CDH18: variants seen among roughly 807,000 people sequenced by gnomAD.
The protein encoded by CDH18 is cadherin-18.
CDH18 carries 31 observed loss-of-function variants against 67.9 expected under a neutral mutation model. The observed-to-expected ratio is 0.46, with a 90% CI of 0.34 to 0.62. The LOEUF is 0.62. Among genes scored for constraint, CDH18 ranks in the 20% least tolerant of loss-of-function variants. CDH18 has a pLI of 0.01. For missense variants in CDH18, 890 were observed against 975.5 expected, an observed-to-expected ratio of 0.91 and a Z score of 1.17; for synonymous variants, 362 against 347.2, an observed-to-expected ratio of 1.04 and a Z score of -0.48.
intron 2 of CDH18, among the ~76,000 whole-genome samples, chr5:19,915,630 C>A (rs1463848298): frequency 6.6e-6 from 1 of 151,876 alleles, no homozygotes; most frequent in Non-Finnish European, 1.5e-5. Context: ...GAGAAAATCA[C>A]AAGGAAGAGA....
chr5:20,025,229 G>A (rs778727947), intron 2 of CDH18, among the ~76,000 whole-genome samples: 6 of 152,056 alleles, frequency 3.9e-5, no homozygotes, highest in Non-Finnish European at 7.4e-5. Flanking sequence ...ACAGATCTTA[G>A]TACACTGTAA....
At chr5:20,017,066 G>A (rs930182321) in intron 2 of CDH18, among the ~76,000 whole-genome samples, 5 of 152,038 alleles carry the variant, frequency 3.3e-5, no homozygotes, top group African/African-American at 1.2e-4. Context: ...ATTTCTTGGA[G>A]TAAGAAATTG....
chr5:19,986,574 G>T (rs1799585469), intron 1 of CDH18, among the ~76,000 whole-genome samples: 1 of 152,158 alleles, frequency 6.6e-6, no homozygotes, highest in Admixed American at 6.5e-5. Flanking sequence ...TCACCAAGGT[G>T]CACTAAGTGA....
chr5:19,762,555 C>T (rs1467304728), intron 3 of CDH18, among the ~76,000 whole-genome samples: 2 of 151,906 alleles, frequency 1.3e-5, no homozygotes, highest in Non-Finnish European at 2.9e-5. Context: ...TTTGATACCA[C>T]TCACACCAGT....
At chr5:20,305,639 G>T in intron 1 of CDH18, 1 of 453,680 alleles carries the variant, frequency 2.2e-6, no homozygotes, top group Non-Finnish European at 4.0e-6. Context: ...CAAACGCCAT[G>T]TCCGGGGGGT....
chr5:19,699,749 A>C (rs1047480100), intron 5 of CDH18, among the ~76,000 whole-genome samples: 1 of 152,002 alleles, frequency 6.6e-6, no homozygotes, highest in Non-Finnish European at 1.5e-5. Flanking sequence ...ATTCCTCATC[A>C]CAATAGTGCA....
At chr5:19,869,162 G>A (rs574844708) in intron 2 of CDH18, among the ~76,000 whole-genome samples, 3 of 152,240 alleles carry the variant, frequency 2.0e-5, no homozygotes, top group South Asian at 2.1e-4. Flanking sequence ...TATGCAGGAC[G>A]TCAATTAATT....
At chr5:19,912,814 G>C (rs1231980110) in intron 2 of CDH18, among the ~76,000 whole-genome samples, 1 of 152,220 alleles carries the variant, frequency 6.6e-6, no homozygotes, top group Non-Finnish European at 1.5e-5. Context: ...CAATAGGAGA[G>C]AGCAGGGCTT....
chr5:20,553,206 C>T (rs895346147), intron 1 of CDH18, among the ~76,000 whole-genome samples: 8 of 152,102 alleles, frequency 5.3e-5, no homozygotes, highest in Non-Finnish European at 7.4e-5. Context: ...CCAATTCATA[C>T]GGTGATTTGA....
In CDH18 at chr5:19,520,664, G is replaced by A. The variant is rs1746749390; in HGVS notation, c.1505C>T (p.Pro502Leu). The A allele has an allele frequency of 2.5e-6, 4 of 1,610,212 alleles. No individual in the cohort carries two copies. The highest frequency in any genetic ancestry group is 3.4e-6 in the Non-Finnish European group (4 of 1,178,590). Residue 502 changes from proline (P) to leucine (L), a missense_variant, in exon 10 of 13, where the codon CCT (proline) becomes CTT (leucine). By Grantham distance (98) the Pro-to-Leu change is moderately conservative. Transcript: ENST00000382275. ...YDIIVCENSK[P>L]GQVIHTISAT... ...AGGAAACAATTAACTTACCTGGCCA[G>A]GCTTAGAATTTTCACATACAATAAT...
chr5:19,871,303 G>A (rs1395775062), intron 2 of CDH18, among the ~76,000 whole-genome samples: 1 of 152,154 alleles, frequency 6.6e-6, no homozygotes. Flanking sequence ...AAAAAGCTGA[G>A]CATGTTTCTA....
intron 2 of CDH18, among the ~76,000 whole-genome samples, chr5:19,899,831 A>T (rs1325323855): frequency 6.6e-6 from 1 of 152,178 alleles, no homozygotes; most frequent in Non-Finnish European, 1.5e-5. Context: ...AAAATAAGCC[A>T]GTCACAAAAG....
Position 19,813,217 on chromosome 5 carries a change from C to G in CDH18, c.228+25542G>C, listed in dbSNP as rs189960978. Among the ~76,000 whole-genome samples the G allele has an allele frequency of 3.2e-3, 485 of 151,998 alleles. 2 individuals are homozygous for G. Among genetic ancestry groups the G allele is most frequent in the African/African-American group, 9.5e-3 (393 of 41,430 alleles). ...TGATGGGTTGATGGGTGCAGCAAAC[C>G]ACAATGGCATGTGTATATTTACGTA... On this transcript the variant is annotated intron_variant, in intron 3 of 12. Coordinates refer to ENST00000382275, the MANE Select transcript of CDH18 (RefSeq NM_004934.5).
chr5:20,297,640 G>A lies in CDH18; in HGVS notation c.-579-42135C>T, dbSNP rs975811423. On this transcript the variant is annotated intron_variant, in intron 1 of 14. Transcript: ENST00000507958. The stretch of plus-strand genomic sequence containing the variant: ...GATGCTGCTAAATATACAATTTGTC[G>A]ACAGTACTTTTATGGTGAAATAACT... Among the ~76,000 whole-genome samples, 67 of 152,178 alleles carry A rather than the reference G, an allele frequency of 4.4e-4. 1 individual carries two copies. Among genetic ancestry groups the A allele is most frequent in the African/African-American group, 5.5e-4 (23 of 41,538 alleles).
intron 2 of CDH18, among the ~76,000 whole-genome samples, chr5:19,889,469 G>A (rs1788561300): frequency 6.6e-6 from 1 of 151,724 alleles, no homozygotes; most frequent in Non-Finnish European, 1.5e-5. Context: ...ATATTTTTAT[G>A]AGTTTTGAAT....
At chr5:20,431,006 G>A (rs75194728) in intron 1 of CDH18, among the ~76,000 whole-genome samples, 3,926 of 152,072 alleles carry the variant, frequency 0.026, 157 homozygotes, top group African/African-American at 0.088. Flanking sequence ...AATGTAACCC[G>A]TTTGAAGGAA....
chr5:19,604,174 G>A (rs1747643478), intron 6 of CDH18, among the ~76,000 whole-genome samples: 1 of 151,926 alleles, frequency 6.6e-6, no homozygotes, highest in African/African-American at 2.4e-5. Flanking sequence ...TTTCCTCCAG[G>A]ACAGCACTGA....
At chr5:20,334,165 C>T (rs1206293927) in intron 1 of CDH18, among the ~76,000 whole-genome samples, 1 of 128,664 alleles carries the variant, frequency 7.8e-6, no homozygotes, top group Admixed American at 7.8e-5. Context: ...GACGGAGTCT[C>T]GCTGTCGCCC....
chr5:19,909,427 G>A (rs973179620), intron 2 of CDH18, among the ~76,000 whole-genome samples: 37 of 151,084 alleles, frequency 2.4e-4, no homozygotes, highest in African/African-American at 8.8e-4. Context: ...AGCCTCCCGA[G>A]TAGCTGGAAT....
Sources: allele counts gnomAD v4.1 joint callset (sites outside exome capture counted in the v4.1 genomes callset), GRCh38; gene constraint gnomAD v4.1.1; transcripts MANE v1.5; gene names NCBI Gene and HGNC (gene_info 2026-07-23, HGNC 2026-07-21).